The following PCDHGA4 variants were observed in gnomAD, a reference collection of about 807,000 sequenced individuals.
PCDHGA4 encodes the protein protocadherin gamma-A4.
Under a neutral mutation model 54.6 loss-of-function variants are expected in PCDHGA4, and 38 were observed. The observed-to-expected ratio is 0.70, with a 90% CI of 0.54 to 0.91. The LOEUF is 0.91. PCDHGA4 is among the 40% of genes least tolerant of loss of function. The pLI is 0.00. For synonymous variants in PCDHGA4, 511 were observed against 512.9 expected (o/e 1.00, Z 0.05); for missense variants, 1,298 against 1,220.9 (o/e 1.06, Z -0.94).
In PCDHGA4 at chr5:141,393,995, A is replaced by C. The variant is rs201832611; in HGVS notation, c.2514+36374A>C. On this transcript the variant is annotated intron_variant, in intron 1 of 3. Coordinates refer to ENST00000571252, the MANE Select transcript of PCDHGA4 (RefSeq NM_018917.4). ...CACGTGATAATTTACCTTTTAAATT[A>C]GAAAAGTCAATAGGTAATTATTATA... is the stretch of plus-strand genomic sequence containing the variant. The C allele has an allele frequency of 8.1e-6, 13 of 1,613,430 alleles. No homozygotes were observed. Among genetic ancestry groups the C allele is most frequent in the Non-Finnish European group, 1.1e-5 (13 of 1,179,634 alleles).
Position 141,355,120 on chromosome 5 carries a change from T to C in PCDHGA4, c.13T>C (p.Leu5=), listed in dbSNP as rs1759719177. Residue 5 remains leucine (L), a synonymous_variant, in exon 1 of 4, where the codon TTG becomes CTG. Transcript: ENST00000571252. MHFI[L]DPEDPGAPQA... Reference sequence around the variant, plus strand: ...GCTCTGGCTGTGAATGCACTTTATTTTGGACCCAGAAGATCCTGGGGCTCC... The same window carrying C: ...GCTCTGGCTGTGAATGCACTTTATTCTGGACCCAGAAGATCCTGGGGCTCC... 2 of 1,514,578 alleles carry C rather than the reference T, an allele frequency of 1.3e-6. No individual in the cohort carries two copies. Among genetic ancestry groups the C allele is most frequent in the Non-Finnish European group, 8.8e-7 (1 of 1,134,574 alleles). The allele number at this position is 1,514,578 out of a possible 1,614,324, so 93.8% of individuals were successfully genotyped here.
In PCDHGA4 at chr5:141,491,764, C is replaced by T; in HGVS notation, c.2515-3043C>T. The stretch of plus-strand genomic sequence containing the variant: ...CGGCACTGGAGAAGCCGCCCGTCCT[C>T]ATAAGGGATTGAACTTGCATCCACT... On this transcript the variant is annotated intron_variant, in intron 1 of 3. Transcript: ENST00000571252. The surrounding 1 kb of genome is among the most constrained non-coding windows in gnomAD (Gnocchi z 6.9). The T allele has an allele frequency of 6.4e-7, 1 of 1,570,206 alleles. No homozygotes were observed. Among genetic ancestry groups the T allele is most frequent in the Non-Finnish European group, 8.6e-7 (1 of 1,159,296 alleles).
chr5:141,384,160 A>G, intron 1 of PCDHGA4: 1 of 1,613,640 alleles, frequency 6.2e-7, no homozygotes, highest in African/African-American at 1.3e-5. Flanking sequence ...GTATAACATC[A>G]CACTGAAAGC....
At chr5:141,395,259 C>CT in intron 1 of PCDHGA4, 1 of 1,551,968 alleles carries the variant, frequency 6.4e-7, no homozygotes, top group Non-Finnish European at 8.7e-7. Flanking sequence ...TCTTTGCTTG[C>CT]TTTTAATTTC....
intron 1 of PCDHGA4, chr5:141,385,279 T>C (rs1781077881): frequency 1.2e-6 from 2 of 1,613,486 alleles, no homozygotes; most frequent in African/African-American, 2.7e-5. Flanking sequence ...TTTGCTAACA[T>C]CCGTAGATTT....
At chr5:141,361,236 C>A in intron 1 of PCDHGA4, 3 of 1,613,946 alleles carry the variant, frequency 1.9e-6, no homozygotes, top group Non-Finnish European at 2.5e-6. Flanking sequence ...CAGTGATCGC[C>A]TTGATAAAAA....
chr5:141,478,118 G>A (rs1266841885), intron 1 of PCDHGA4: 1 of 1,613,930 alleles, frequency 6.2e-7, no homozygotes, highest in East Asian at 2.2e-5. Context: ...GTCAGTAACC[G>A]AGGACTCTCC....
chr5:141,424,799 A>G (rs552155487), intron 1 of PCDHGA4: 90 of 152,274 alleles, frequency 5.9e-4, no homozygotes, highest in African/African-American at 2.1e-3. Context: ...ATTCAGACCA[A>G]CTTGTTATTG....
chr5:141,403,204 G>C, intron 1 of PCDHGA4: 3 of 1,613,952 alleles, frequency 1.9e-6, no homozygotes, highest in Non-Finnish European at 2.5e-6. Flanking sequence ...GCGGCACCTT[G>C]GTCACCGCGG....
chr5:141,371,712 C>T (rs1403380623), intron 1 of PCDHGA4: 1 of 1,614,078 alleles, frequency 6.2e-7, no homozygotes, highest in Admixed American at 1.7e-5. Context: ...GACCATCACT[C>T]TGCACATCCT....
At chr5:141,410,191 C>G in intron 1 of PCDHGA4, 2 of 1,613,994 alleles carry the variant, frequency 1.2e-6, no homozygotes, top group Non-Finnish European at 1.7e-6. Context: ...TTCATCTGGT[C>G]TTCGCAGACA....
Position 141,486,695 on chromosome 5 carries a change from A to T in PCDHGA4, c.2515-8112A>T. On this transcript the variant is annotated intron_variant, in intron 1 of 3. Coordinates refer to ENST00000571252, the MANE Select transcript of PCDHGA4 (RefSeq NM_018917.4). The surrounding 1 kb of genome is among the most constrained non-coding windows in gnomAD (Gnocchi z 5.0). ...TCGAGATGTATCAGCTTCCTCTTTC[A>T]TCTCTCTGAACCCCCAGACAGGAGC... The T allele has an allele frequency of 6.2e-7, 1 of 1,613,912 alleles. No homozygotes were observed. The highest frequency in any genetic ancestry group is 8.5e-7 in the Non-Finnish European group (1 of 1,179,980).
chr5:141,448,806 G>A (rs1412164815), intron 1 of PCDHGA4, among the ~76,000 whole-genome samples: 1 of 152,008 alleles, frequency 6.6e-6, no homozygotes, highest in Admixed American at 6.5e-5. Context: ...TTAGCCAGGC[G>A]TGATGGCGGG....
At chr5:141,464,816 G>A (rs11167751) in intron 1 of PCDHGA4, among the ~76,000 whole-genome samples, 42,470 of 151,904 alleles carry the variant, frequency 0.28, 6,668 homozygotes, top group African/African-American at 0.43. Context: ...ATAGCTCACT[G>A]TAGCCTCGCA....
At chr5:141,361,178 T>C (rs1395643318) in intron 1 of PCDHGA4, 3 of 1,613,812 alleles carry the variant, frequency 1.9e-6, no homozygotes, top group Non-Finnish European at 1.7e-6. Flanking sequence ...CCTGAAGTTA[T>C]TGTGACTTCA....
chr5:141,388,710 G>A (rs756980821), intron 1 of PCDHGA4: 3 of 1,613,966 alleles, frequency 1.9e-6, no homozygotes, highest in Non-Finnish European at 8.5e-7. Flanking sequence ...TGTCAATGCC[G>A]AGATTACTTT....
At chr5:141,463,034 G>A (rs2099051345) in intron 1 of PCDHGA4, among the ~76,000 whole-genome samples, 2 of 152,112 alleles carry the variant, frequency 1.3e-5, no homozygotes, top group African/African-American at 4.8e-5. Flanking sequence ...ATTAATCTGA[G>A]TGTTCAGCAG....
rs753258464 is a variant in PCDHGA4, at chr5:141,388,966, G to T, written c.2514+31345G>T. ...CTAATTATGGAGGACGCCGAGCTGG[G>T]AACACATATTGCTTTGCTCAAAGTC... On this transcript the variant is annotated intron_variant, in intron 1 of 3. Coordinates refer to ENST00000571252, the MANE Select transcript of PCDHGA4 (RefSeq NM_018917.4). 15 of 1,613,896 alleles carry T rather than the reference G, an allele frequency of 9.3e-6. No homozygotes were observed. In the Admixed American group the frequency reaches 2.3e-4, roughly 25 times the overall value.
At chr5:141,393,762 A>G (rs2092837336) in intron 1 of PCDHGA4, 1 of 1,613,940 alleles carries the variant, frequency 6.2e-7, no homozygotes, top group African/African-American at 1.3e-5. Context: ...ATTTTATGAA[A>G]TGGAAATACA....
Sources: gnomAD v4.1 joint callset for allele counts (sites outside exome capture counted in the v4.1 genomes callset) on GRCh38, gnomAD v4.1.1 for gene constraint, Gnocchi (gnomAD v3.1) non-coding constraint, MANE v1.5 for transcripts, NCBI Gene and HGNC (gene_info 2026-07-23, HGNC 2026-07-21) for gene names.